Variants in TRPC3 observed in about 807,000 individuals in gnomAD.
The protein encoded by TRPC3 is transient receptor potential cation channel subfamily C member 3.
TRPC3 carries 54 observed loss-of-function variants against 90.9 expected under a neutral mutation model. The observed-to-expected ratio is 0.59, with a 90% CI of 0.48 to 0.75. TRPC3 has a LOEUF of 0.75. Among genes scored for constraint, TRPC3 ranks in the 30% least tolerant of loss-of-function variants. The pLI, the probability that TRPC3 is intolerant of heterozygous loss-of-function variation, is 0.00. For synonymous variants in TRPC3, 424 were observed against 450.9 expected (o/e 0.94, Z 0.75); for missense variants, 918 against 1,194.5 (o/e 0.77, Z 3.41).
rs1476969355 is a variant in TRPC3, at chr4:121,882,331, T to A, written c.2623+23A>T. 4.4e-6 allele frequency: 7 copies of A among 1,592,274 alleles called. No individual in the cohort carries two copies. The African/African-American group carries it at 5.4e-5, about 12-fold the overall frequency. The stretch of plus-strand genomic sequence containing the variant: ...TCATTAAGTTAGCTATAAAAGGATA[T>A]TTTTTAAGTTGGAGATGCTTACCTT... On this transcript the variant is annotated intron_variant, in intron 11 of 11. Coordinates refer to ENST00000379645, the MANE Select transcript of TRPC3 (RefSeq NM_001130698.2).
Position 121,933,253 on chromosome 4 carries a change from C to A in TRPC3, c.216-211G>T, listed in dbSNP as rs139205136. 4.9e-5 allele frequency: 51 copies of A among 1,035,106 alleles called. No individual in the cohort carries two copies. In the African/African-American group the frequency reaches 7.1e-4, roughly 14 times the overall value. 64.1% of individuals were successfully genotyped at this position (1,035,106 alleles called of 1,614,324 possible). On this transcript the variant is annotated intron_variant, in intron 1 of 11. Coordinates refer to ENST00000379645, the MANE Select transcript of TRPC3 (RefSeq NM_001130698.2). The stretch of plus-strand genomic sequence containing the variant: ...CTGCTAGATCCCAGAAGGAAGCCGG[C>A]AGCCCTTCAGAACAAAAGCTCCTAT...
At chr4:121,916,565 C>G (rs115543133) in intron 3 of TRPC3, among the ~76,000 whole-genome samples, 1 of 152,224 alleles carries the variant, frequency 6.6e-6, no homozygotes, top group Non-Finnish European at 1.5e-5. Flanking sequence ...GACTGGAGCC[C>G]TGATAGGAAG....
chr4:121,926,146 T>G (rs1425892533), intron 2 of TRPC3, among the ~76,000 whole-genome samples: 1 of 152,148 alleles, frequency 6.6e-6, no homozygotes, highest in African/African-American at 2.4e-5. Context: ...CACAAAAGAC[T>G]GCAAAAACCA....
In TRPC3 at chr4:121,914,821, G is replaced by C; in HGVS notation, c.1300C>G (p.Pro434Ala). ...LVVLVVALGL[P>A]FLAIGYWIAP... is the part of the protein sequence containing the mutation. ...ATCCAGTAGCCAATGGCCAGGAATG[G>C]AAGGCCCAGGGCCACGACCAGCACA... The change falls in exon 4 of 12, where the codon CCA (proline) becomes GCA (alanine). Residue 434 changes from proline to alanine, a missense_variant. This residue lies in a region of TRPC3 where 609 missense variants were observed against 725.9 expected (regional missense o/e 0.84). Transcript: ENST00000379645. The C allele has an allele frequency of 2.5e-6, 4 of 1,613,084 alleles. No individual in the cohort carries two copies. The highest frequency in any genetic ancestry group is 3.4e-6 in the Non-Finnish European group (4 of 1,179,256).
rs1728747728 is a variant in TRPC3 at position 121,902,853 on chromosome 4, C to T, written c.2462G>A (p.Arg821Lys). 2.5e-6 allele frequency: 4 copies of T among 1,603,796 alleles called. No individual in the cohort carries two copies. The highest frequency in any genetic ancestry group is 3.4e-6 in the Non-Finnish European group (4 of 1,175,770). ...IEMGMGNSKS[R>K]LNLFTQSNSR... Reference sequence around the variant, plus strand: ...TCTTGGTAAGTTTTCGATACCTACCCTGGACTTTGAGTTACCCATTCCCAT... The same window carrying T: ...TCTTGGTAAGTTTTCGATACCTACCTTGGACTTTGAGTTACCCATTCCCAT... Residue 821 changes from arginine to lysine, a missense_variant and splice_region_variant, in exon 9 of 12, where the codon AGG becomes AAG. By Grantham distance (26) the Arg-to-Lys change is conservative (BLOSUM62 2). Transcript: ENST00000379645.
chr4:121,912,291 A>C (rs114991240), intron 4 of TRPC3, among the ~76,000 whole-genome samples, 198 bp from the exon 5 acceptor site: 3,712 of 152,262 alleles, frequency 0.024, 86 homozygotes, highest in Non-Finnish European at 0.038. Context: ...AAGTATTCAA[A>C]ATTCATTGTT....
At chr4:121,880,049 C>G (rs1727888734) in intron 11 of TRPC3, among the ~76,000 whole-genome samples, 171 bp from the exon 12 acceptor site, 1 of 152,136 alleles carries the variant, frequency 6.6e-6, no homozygotes, top group Non-Finnish European at 1.5e-5. Flanking sequence ...TAAAGGTACA[C>G]TGACCTTTGA....
chr4:121,940,043 C>T (rs892649169), intron 1 of TRPC3, among the ~76,000 whole-genome samples: 8 of 152,254 alleles, frequency 5.3e-5, no homozygotes, highest in Non-Finnish European at 7.4e-5. Context: ...GTCAGCCTCC[C>T]GGCCTCTTTC....
At chr4:121,909,797 C>T (rs1259721589) in intron 6 of TRPC3, among the ~76,000 whole-genome samples, 1 of 152,100 alleles carries the variant, frequency 6.6e-6, no homozygotes, top group Admixed American at 6.6e-5. Context: ...CAGGGACTTA[C>T]CTTCCACATC....
rs1380530240 is a variant in TRPC3 at position 121,932,483 on chromosome 4, T to C, written c.775A>G (p.Ile259Val). The C allele has an allele frequency of 6.2e-7, 1 of 1,614,186 alleles. No individual in the cohort carries two copies. Among genetic ancestry groups the C allele is most frequent in the Non-Finnish European group, 8.5e-7 (1 of 1,180,042 alleles). Residue 259 changes from isoleucine (I) to valine (V), a missense_variant, in exon 2 of 12, where the codon ATC (isoleucine) becomes GTC (valine). Around this residue, in one of 4 missense-constraint regions of TRPC3, gnomAD observed 609 missense variants for 725.9 expected, o/e 0.84. Transcript: ENST00000379645. The surrounding 1 kb of genome is among the most constrained non-coding windows in gnomAD (Gnocchi z 7.7). ...VHMLLMKGAR[I>V]ERPHDYFCKC... ...CAGAAATAGTCGTGCGGCCGCTCGATCCTGGCACCCTTCATCAGCAGCATG... is the reference window on the plus strand; with the variant it reads ...CAGAAATAGTCGTGCGGCCGCTCGACCCTGGCACCCTTCATCAGCAGCATG...
In TRPC3 at chr4:121,907,191, T is replaced by C. The variant is rs1728910394; in HGVS notation, c.2057+112A>G. The C allele has an allele frequency of 7.7e-6, 8 of 1,045,444 alleles. 1 individual carries two copies. The South Asian group carries it at 1.3e-4, about 17-fold the overall frequency. 64.8% of individuals were successfully genotyped at this position (1,045,444 alleles called of 1,614,324 possible). ...GCACTAACTGTTTTTGATGGATTAT[T>C]TTCTGTGCTTAAAAACATCTTTATT... is the stretch of plus-strand genomic sequence containing the variant. On this transcript the variant is annotated intron_variant, in intron 7 of 11. Transcript: ENST00000379645.
At chr4:121,886,714 GT>G (rs954001631) in intron 10 of TRPC3, among the ~76,000 whole-genome samples, 4 of 150,958 alleles carry the variant, frequency 2.6e-5, no homozygotes, top group African/African-American at 4.9e-5. Context: ...TTTGTTTTTT[GT>G]TTTTTTTGAA....
rs1560700539 is a variant in TRPC3, at chr4:121,912,065, AT to A, written c.1369del (p.Met457Ter). The A allele has an allele frequency of 6.2e-7, 1 of 1,613,746 alleles. No homozygotes were observed. The highest frequency in any genetic ancestry group is 1.7e-4 in the Middle Eastern group (1 of 6,056). On this transcript the variant is annotated frameshift_variant, in exon 5 of 12. Transcript: ENST00000379645. LOFTEE classifies it high-confidence loss of function. ...RLGKILRSPFMKFVAHAASFI... is the reference protein window; with the variant it reads ...RLGKILRSPFXKFVAHAASFI... ...AGAAGCTGCATGTGCTACAAACTTC[AT>A]AAAAGGGCTTCGCAGAATTTTCCCC... is the stretch of plus-strand genomic sequence containing the variant.
At chr4:121,942,118 C>T (rs1164324774) in intron 1 of TRPC3, among the ~76,000 whole-genome samples, 1 of 152,144 alleles carries the variant, frequency 6.6e-6, no homozygotes, top group African/African-American at 2.4e-5. Context: ...TCATCATTCC[C>T]ACCGCCGCCC....
chr4:121,910,076 C>G, intron 6 of TRPC3, 78 bp downstream of exon 6: 1 of 1,096,316 alleles, frequency 9.1e-7, no homozygotes, highest in Non-Finnish European at 1.4e-6. Flanking sequence ...TAAACATACT[C>G]CAATTGGCAT....
intron 1 of TRPC3, among the ~76,000 whole-genome samples, chr4:121,942,669 G>A (rs80026404): frequency 0.013 from 1,934 of 152,336 alleles, 52 homozygotes; most frequent in African/African-American, 0.045. Context: ...AAGCTGTTGT[G>A]TATTTAAGGA....
chr4:121,931,393 C>T (rs1400442628), intron 2 of TRPC3, among the ~76,000 whole-genome samples: 1 of 151,980 alleles, frequency 6.6e-6, no homozygotes, highest in Non-Finnish European at 1.5e-5. Context: ...TAATATTGAT[C>T]GGAACTATGA....
chr4:121,906,224 C>T (rs1728876303), intron 7 of TRPC3, among the ~76,000 whole-genome samples: 1 of 152,094 alleles, frequency 6.6e-6, no homozygotes, highest in African/African-American at 2.4e-5. Context: ...AAAGCCACAG[C>T]TAGAAACAGC....
At position 121,882,351 on chromosome 4, in the gene TRPC3, T is replaced by C; in HGVS notation, c.2623+3A>G. On this transcript the variant is annotated splice_donor_region_variant and intron_variant, in intron 11 of 11. Transcript: ENST00000379645. ...GGATATTTTTTAAGTTGGAGATGCT[T>C]ACCTTCATTAACTTCATCATTTTCT... 1 of 1,607,172 alleles carries C rather than the reference T, an allele frequency of 6.2e-7. No individual in the cohort carries two copies. The highest frequency in any genetic ancestry group is 1.1e-5 in the South Asian group (1 of 90,192).
Sources: gnomAD v4.1 joint callset for allele counts (sites outside exome capture counted in the v4.1 genomes callset) on GRCh38, gnomAD v4.1.1 for gene constraint, gnomAD v4.1.1 regional missense constraint, Gnocchi (gnomAD v3.1) non-coding constraint, MANE v1.5 for transcripts, NCBI Gene and HGNC (gene_info 2026-07-23, HGNC 2026-07-21) for gene names.